PCDHGB4: variants seen among roughly 807,000 people sequenced by gnomAD.
The protein encoded by PCDHGB4 is protocadherin gamma-B4.
PCDHGB4 carries 38 observed loss-of-function variants against 60.5 expected under a neutral mutation model. The ratio of observed to expected loss-of-function variants is 0.63; its 90% CI spans 0.48 to 0.82. The LOEUF is 0.82. PCDHGB4 is among the 40% of genes least tolerant of loss of function. The pLI is 0.00. For missense variants in PCDHGB4, 1,109 were observed against 1,209.6 expected (o/e 0.92, Z 1.23); for synonymous variants, 456 against 509.7 (o/e 0.89, Z 1.42).
chr5:141,414,434 C>T (rs774467993), intron 1 of PCDHGB4: 5 of 1,613,704 alleles, frequency 3.1e-6, no homozygotes, highest in Non-Finnish European at 3.4e-6. Context: ...GAACAGGTAT[C>T]CTCTTACAAT....
At chr5:141,418,987 A>T (rs1244429131) in intron 1 of PCDHGB4, 2 of 1,613,856 alleles carry the variant, frequency 1.2e-6, no homozygotes, top group Non-Finnish European at 1.7e-6. Flanking sequence ...ACCAAGACTC[A>T]GGGGAAAATG....
intron 1 of PCDHGB4, chr5:141,417,612 T>C: frequency 1.6e-6 from 1 of 617,852 alleles, no homozygotes; most frequent in Non-Finnish European, 2.6e-6. Flanking sequence ...CGTCGGCCAG[T>C]GCAGAGCAAG....
chr5:141,440,667 T>C (rs1330266877), intron 1 of PCDHGB4: 1 of 152,218 alleles, frequency 6.6e-6, no homozygotes, highest in East Asian at 1.9e-4. Context: ...GCAGCAACTC[T>C]ATATTTCTCT....
chr5:141,474,188 T>C (rs1203777014), intron 1 of PCDHGB4, among the ~76,000 whole-genome samples: 1 of 152,216 alleles, frequency 6.6e-6, no homozygotes, highest in Non-Finnish European at 1.5e-5. Context: ...CTACTTACAT[T>C]TTTAAAAGCT....
Position 141,432,562 on chromosome 5 carries a change from C to G in PCDHGB4, c.2397+42281C>G. On this transcript the variant is annotated intron_variant, in intron 1 of 3. Coordinates refer to ENST00000519479, the MANE Select transcript of PCDHGB4 (RefSeq NM_003736.4). The surrounding 1 kb of genome is among the most constrained non-coding windows in gnomAD (Gnocchi z 6.0). ...CGGTGGACAGAGACTCCGGCCAGAA[C>G]GCCTGGCTGTCCTACCGTCTGCTCA... 1 of 1,613,964 alleles carries G rather than the reference C, an allele frequency of 6.2e-7. No homozygotes were observed. Among genetic ancestry groups the G allele is most frequent in the Non-Finnish European group, 8.5e-7 (1 of 1,180,004 alleles).
chr5:141,408,203 A>G (rs1299661641), intron 1 of PCDHGB4: 2 of 1,550,806 alleles, frequency 1.3e-6, no homozygotes, highest in African/African-American at 1.4e-5. Flanking sequence ...CGAGCGAACG[A>G]TGGGAGGGAG....
Position 141,491,245 on chromosome 5 carries a change from G to A in PCDHGB4, c.2398-3562G>A, listed in dbSNP as rs1171588507. ...CACAGTGCTGCTGGTTCTGGAGGATGAGGACCCTGAGGAAATGCCCAAATC... is the reference window on the plus strand; with the variant it reads ...CACAGTGCTGCTGGTTCTGGAGGATAAGGACCCTGAGGAAATGCCCAAATC... On this transcript the variant is annotated intron_variant, in intron 1 of 3. Transcript: ENST00000519479. The surrounding 1 kb of genome is among the most constrained non-coding windows in gnomAD (Gnocchi z 6.9). 2 of 1,614,086 alleles carry A rather than the reference G, an allele frequency of 1.2e-6. No individual in the cohort carries two copies. Among genetic ancestry groups the A allele is most frequent in the East Asian group, 4.5e-5 (2 of 44,888 alleles).
At chr5:141,462,360 A>G (rs1400686908) in intron 1 of PCDHGB4, among the ~76,000 whole-genome samples, 1 of 152,238 alleles carries the variant, frequency 6.6e-6, no homozygotes, top group Non-Finnish European at 1.5e-5. Flanking sequence ...TATACATTGT[A>G]TAGTTTCTAT....
rs561122870 is a variant in PCDHGB4 at position 141,439,444 on chromosome 5, C to T, written c.2397+49163C>T. On this transcript the variant is annotated intron_variant, in intron 1 of 3. Transcript: ENST00000519479. ...ATAAATTCCCAGGAATATTTTATTG[C>T]GGGAGCAAGACTGCACTGCTGCCTT... Among the ~76,000 whole-genome samples the T allele has an allele frequency of 3.0e-4, 46 of 152,264 alleles. 1 individual carries two copies. The South Asian group carries it at 6.2e-3, about 21-fold the overall frequency.
intron 1 of PCDHGB4, chr5:141,423,413 C>T (rs757696505): frequency 2.5e-6 from 4 of 1,614,022 alleles, no homozygotes; most frequent in South Asian, 2.2e-5. Flanking sequence ...CTGCAGGCTT[C>T]TGAAGGCGGG....
intron 1 of PCDHGB4, chr5:141,430,525 G>C (rs1354801907): frequency 3.3e-5 from 12 of 365,842 alleles, no homozygotes; most frequent in Admixed American, 1.3e-4. Context: ...GCAGTAATTG[G>C]TTAGGACTCT....
rs756804360 is a variant in PCDHGB4 at position 141,389,337 on chromosome 5, G to T, written c.1453G>T (p.Val485Phe). Residue 485 changes from valine (V) to phenylalanine (F), a missense_variant, in exon 1 of 4, where the codon GTC (valine) becomes TTC (phenylalanine). Coordinates refer to ENST00000519479, the MANE Select transcript of PCDHGB4 (RefSeq NM_003736.4). ...SDPDLGPNGQVSYCIMASDLE... is the reference protein window; with the variant it reads ...SDPDLGPNGQFSYCIMASDLE... The stretch of plus-strand genomic sequence containing the variant: ...TCCGGACTTGGGGCCCAACGGCCAA[G>T]TCTCTTACTGCATCATGGCCAGTGA... 4.3e-6 allele frequency: 7 copies of T among 1,614,014 alleles called. No individual in the cohort carries two copies. Among genetic ancestry groups the T allele is most frequent in the Non-Finnish European group, 5.9e-6 (7 of 1,179,906 alleles).
chr5:141,425,217 T>G (rs565640413), intron 1 of PCDHGB4, among the ~76,000 whole-genome samples: 51 of 152,294 alleles, frequency 3.3e-4, no homozygotes, highest in Middle Eastern at 3.4e-3. Flanking sequence ...GCATTGTACT[T>G]TGACTGGAAT....
rs1487863444 is a variant in PCDHGB4 at position 141,491,016 on chromosome 5, G to A, written c.2398-3791G>A. On this transcript the variant is annotated intron_variant, in intron 1 of 3. Transcript: ENST00000519479. This position sits in a 1 kb window ranked among gnomAD's most constrained non-coding sequence, Gnocchi z 6.9. ...CTCCTGGCTCCTTGGTCACCAAGGTGACAGCCGTGGATGCTGATGCAGGCC... is the reference window on the plus strand; with the variant it reads ...CTCCTGGCTCCTTGGTCACCAAGGTAACAGCCGTGGATGCTGATGCAGGCC... 2.5e-6 allele frequency: 4 copies of A among 1,614,136 alleles called. No individual in the cohort carries two copies. The African/African-American group carries it at 5.3e-5, about 22-fold the overall frequency.
intron 1 of PCDHGB4, chr5:141,403,102 G>A (rs765706858): frequency 9.3e-6 from 15 of 1,613,928 alleles, no homozygotes; most frequent in Non-Finnish European, 1.3e-5. Flanking sequence ...ACATCTCCAA[G>A]GACCTGGCTC....
chr5:141,501,501 T>C (rs2099809553), intron 2 of PCDHGB4, among the ~76,000 whole-genome samples: 1 of 151,938 alleles, frequency 6.6e-6, no homozygotes, highest in Non-Finnish European at 1.5e-5. Context: ...CTGCTGGGGC[T>C]CCAAGGCCTC....
intron 1 of PCDHGB4, chr5:141,391,220 T>C (rs1189350408): frequency 6.6e-6 from 1 of 152,208 alleles, no homozygotes; most frequent in South Asian, 2.1e-4. Context: ...GAACATTATA[T>C]GAGCCTTTTG....
rs1309124846 is a variant in PCDHGB4, at chr5:141,491,295, T to C, written c.2398-3512T>C. On this transcript the variant is annotated intron_variant, in intron 1 of 3. Coordinates refer to ENST00000519479, the MANE Select transcript of PCDHGB4 (RefSeq NM_003736.4). This position sits in a 1 kb window ranked among gnomAD's most constrained non-coding sequence, Gnocchi z 6.9. ...CCAGTGACTTCCTCATACACCCTCC[T>C]GAGCGTTCAGACCTTACCCTTTACC... The C allele has an allele frequency of 6.2e-7, 1 of 1,614,176 alleles. No homozygotes were observed. Among genetic ancestry groups the C allele is most frequent in the Non-Finnish European group, 8.5e-7 (1 of 1,179,994 alleles).
intron 1 of PCDHGB4, chr5:141,411,444 T>C (rs1589800236): frequency 6.8e-6 from 1 of 147,662 alleles, no homozygotes; most frequent in African/African-American, 2.5e-5. Context: ...ATTAGCAGAG[T>C]GTGGTAGCAT....
Sources: gnomAD v4.1 joint callset for allele counts (sites outside exome capture counted in the v4.1 genomes callset) on GRCh38, gnomAD v4.1.1 for gene constraint, Gnocchi (gnomAD v3.1) non-coding constraint, MANE v1.5 for transcripts, NCBI Gene and HGNC (gene_info 2026-07-23, HGNC 2026-07-21) for gene names.